The following ZFYVE9 variants were observed in gnomAD, a reference collection of about 807,000 sequenced individuals.
ZFYVE9 encodes the protein zinc finger FYVE-type containing 9, also known as zinc finger FYVE domain-containing protein 9.
In ZFYVE9, 43 loss-of-function variants were observed where a neutral mutation model predicts 126.7. That is an observed-to-expected ratio of 0.34 (90% CI 0.27 to 0.44). The LOEUF (loss-of-function observed/expected upper bound fraction) is 0.44. Among genes scored for constraint, ZFYVE9 ranks in the 20% least tolerant of loss-of-function variants. The pLI, the probability that ZFYVE9 is intolerant of heterozygous loss-of-function variation, is 1.00. For missense variants in ZFYVE9, 1,476 were observed against 1,697.0 expected (o/e 0.87, Z 2.29); for synonymous variants, 521 against 597.4 (o/e 0.87, Z 1.87).
chr1:52,334,610 T>C, intron 14 of ZFYVE9, 78 bp from the exon 15 acceptor site: 1 of 1,464,854 alleles, frequency 6.8e-7, no homozygotes, highest in Non-Finnish European at 9.5e-7. Context: ...AATTCTCAAC[T>C]TCTGAATATT....
At chr1:52,152,925 A>G (rs1644370742) in intron 1 of ZFYVE9, among the ~76,000 whole-genome samples, 1 of 152,258 alleles carries the variant, frequency 6.6e-6, no homozygotes, top group South Asian at 2.1e-4. Context: ...GGGAGAAAGC[A>G]GAATTGCCTA....
At chr1:52,174,486 T>G (rs1306375391) in intron 1 of ZFYVE9, among the ~76,000 whole-genome samples, 1 of 152,166 alleles carries the variant, frequency 6.6e-6, no homozygotes, top group African/African-American at 2.4e-5. Flanking sequence ...TTCTGTTGAT[T>G]TGGGGTGGAG....
At chr1:52,244,561 A>G (rs1168732962) in intron 4 of ZFYVE9, among the ~76,000 whole-genome samples, 2 of 152,196 alleles carry the variant, frequency 1.3e-5, no homozygotes, top group Non-Finnish European at 2.9e-5. Flanking sequence ...TGAAGGTTTG[A>G]GGAGAGTGAG....
intron 1 of ZFYVE9, among the ~76,000 whole-genome samples, chr1:52,197,924 A>G (rs1644876596): frequency 6.6e-6 from 1 of 152,100 alleles, no homozygotes; most frequent in African/African-American, 2.4e-5. Context: ...GAACAACCAG[A>G]TGGAGAACTA....
intron 1 of ZFYVE9, among the ~76,000 whole-genome samples, chr1:52,213,816 A>G (rs919883697): frequency 6.6e-6 from 1 of 152,096 alleles, no homozygotes; most frequent in Non-Finnish European, 1.5e-5. Context: ...TGAAGACGCA[A>G]TAAGCTGCTT....
At chr1:52,232,762 CCAGGT>C (rs1178232580) in intron 2 of ZFYVE9, among the ~76,000 whole-genome samples, 6 of 134,526 alleles carry the variant, frequency 4.5e-5, no homozygotes, top group Non-Finnish European at 7.8e-5. Flanking sequence ...AAAGGAATAA[CCAGGT>C]CAGAGTCATC....
At chr1:52,271,489 A>G (rs1296919346) in intron 7 of ZFYVE9, among the ~76,000 whole-genome samples, 2 of 152,178 alleles carry the variant, frequency 1.3e-5, no homozygotes, top group Admixed American at 6.5e-5. Flanking sequence ...TTTGTTACAT[A>G]GGTATACATG....
intron 15 of ZFYVE9, 134 bp from the exon 16 acceptor site, chr1:52,337,638 C>T: frequency 2.1e-6 from 2 of 958,602 alleles, no homozygotes; most frequent in South Asian, 4.1e-5. Context: ...AGAGGTTCAG[C>T]TCAAAGAGCA....
intron 2 of ZFYVE9, among the ~76,000 whole-genome samples, chr1:52,224,339 C>T (rs1557466004): frequency 6.6e-6 from 1 of 151,918 alleles, no homozygotes; most frequent in Non-Finnish European, 1.5e-5. Context: ...ACTGAGTGTT[C>T]CACTTAGGGT....
intron 18 of ZFYVE9, 75 bp from the exon 19 acceptor site, chr1:52,345,985 C>A: frequency 7.0e-7 from 1 of 1,422,012 alleles, no homozygotes; most frequent in Non-Finnish European, 9.3e-7. Flanking sequence ...CTTTCCTGCT[C>A]AGCCTCCTTG....
intron 2 of ZFYVE9, among the ~76,000 whole-genome samples, chr1:52,232,728 C>CAA (rs552213191): frequency 0.13 from 3,457 of 27,192 alleles, 356 homozygotes; most frequent in African/African-American, 0.15. Flanking sequence ...GACTCTGTCT[C>CAA]AAAAAAAAAA....
At chr1:52,334,865 GTTT>G in intron 15 of ZFYVE9, 97 bp downstream of exon 15, 1 of 1,198,610 alleles carries the variant, frequency 8.3e-7, no homozygotes, top group Non-Finnish European at 1.2e-6. Context: ...GACTCCTACT[GTTT>G]TTTCAGTAGC....
chr1:52,188,487 A>C (rs139698211), intron 1 of ZFYVE9, among the ~76,000 whole-genome samples: 215 of 152,334 alleles, frequency 1.4e-3, no homozygotes, highest in Non-Finnish European at 2.6e-3. Context: ...TATAAGTTAA[A>C]AAATTTTTAA....
intron 1 of ZFYVE9, among the ~76,000 whole-genome samples, chr1:52,163,591 C>T (rs1238638958): frequency 6.6e-6 from 1 of 152,160 alleles, no homozygotes; most frequent in Non-Finnish European, 1.5e-5. Context: ...CTTTCGAATA[C>T]TGATTCTTTG....
chr1:52,340,059 C>T (rs1366969218), intron 16 of ZFYVE9, 67 bp from the exon 17 acceptor site: 78 of 1,316,310 alleles, frequency 5.9e-5, no homozygotes, highest in Non-Finnish European at 8.1e-5. Context: ...TGCAGCAAAA[C>T]GTGATAGGAA....
Position 52,344,781 on chromosome 1 carries a change from A to G in ZFYVE9, c.3953A>G (p.Glu1318Gly), listed in dbSNP as rs1471108174. The change falls in exon 18 of 19, where the codon GAA (glutamate) becomes GGA (glycine). Residue 1318 changes from glutamate to glycine, a missense_variant. By Grantham distance (98) the Glu-to-Gly change is moderately conservative. Coordinates refer to ENST00000287727, the MANE Select transcript of ZFYVE9 (RefSeq NM_004799.4). ...TTTGGGGAACAGGTGTTTTTCCTAGAAAACGATGACCAGCACAATTGCCTC... is the reference window on the plus strand; with the variant it reads ...TTTGGGGAACAGGTGTTTTTCCTAGGAAACGATGACCAGCACAATTGCCTC... ...VIRWTEVFFL[E>G]NDDQHNCLSD... is the part of the protein sequence containing the mutation. The G allele has an allele frequency of 6.2e-7, 1 of 1,613,546 alleles. No individual in the cohort carries two copies. Among genetic ancestry groups the G allele is most frequent in the African/African-American group, 1.3e-5 (1 of 75,008 alleles).
intron 16 of ZFYVE9, among the ~76,000 whole-genome samples, chr1:52,339,658 G>A (rs1646417675): frequency 6.6e-6 from 1 of 152,076 alleles, no homozygotes; most frequent in South Asian, 2.1e-4. Context: ...GGGAATATAA[G>A]CACATAGAGG....
At chr1:52,255,601 A>G (rs1645497356) in intron 4 of ZFYVE9, among the ~76,000 whole-genome samples, 1 of 146,958 alleles carries the variant, frequency 6.8e-6, no homozygotes, top group African/African-American at 2.5e-5. Flanking sequence ...AAAAAAAAAA[A>G]GTAATTTTAG....
At chr1:52,204,588 A>C (rs1214358984) in intron 1 of ZFYVE9, among the ~76,000 whole-genome samples, 2 of 151,838 alleles carry the variant, frequency 1.3e-5, no homozygotes, top group South Asian at 2.1e-4. Context: ...TTAGCTGGGC[A>C]TGGTTGCGTG....
Sources: allele counts gnomAD v4.1 joint callset (sites outside exome capture counted in the v4.1 genomes callset), GRCh38; gene constraint gnomAD v4.1.1; transcripts MANE v1.5; gene names NCBI Gene and HGNC (gene_info 2026-07-23, HGNC 2026-07-21).